The following MXI1 variants were observed in gnomAD, a reference collection of about 807,000 sequenced individuals.
MXI1 encodes the protein max-interacting protein 1.
MXI1 carries 18 observed loss-of-function variants against 36.9 expected under a neutral mutation model. The ratio of observed to expected loss-of-function variants is 0.49; its 90% CI spans 0.34 to 0.72. The LOEUF is 0.72. Among genes scored for constraint, MXI1 ranks in the 30% least tolerant of loss-of-function variants. MXI1 has a pLI of 0.01. For synonymous variants in MXI1, 160 were observed against 146.7 expected, an observed-to-expected ratio of 1.09 and a Z score of -0.65; for missense variants, 304 against 379.1, an observed-to-expected ratio of 0.80 and a Z score of 1.64.
intron 3 of MXI1, among the ~76,000 whole-genome samples, chr10:110,273,792 C>T (rs1325911769): frequency 6.6e-6 from 1 of 152,120 alleles, no homozygotes; most frequent in Admixed American, 6.5e-5. Flanking sequence ...GTCTAGGTAT[C>T]CTATAGTGGA....
chr10:110,233,473 G>A (rs1244757267), intron 2 of MXI1, among the ~76,000 whole-genome samples: 1 of 151,946 alleles, frequency 6.6e-6, no homozygotes, highest in Non-Finnish European at 1.5e-5. Flanking sequence ...CAGAAGAATT[G>A]AATGAAGCCT....
chr10:110,237,339 C>G (rs1331861669), intron 2 of MXI1, among the ~76,000 whole-genome samples: 1 of 151,976 alleles, frequency 6.6e-6, no homozygotes, highest in Non-Finnish European at 1.5e-5. Flanking sequence ...TTCTTAGATG[C>G]CTTTTAGGTT....
Position 110,244,942 on chromosome 10 carries a change from A to C in MXI1, c.437+85A>C, listed in dbSNP as rs1855810225. 2.3e-6 allele frequency: 3 copies of C among 1,324,602 alleles called. No homozygotes were observed. The East Asian group carries it at 7.4e-5, about 33-fold the overall frequency. 82.1% of individuals were successfully genotyped at this position (1,324,602 alleles called of 1,614,324 possible). ...CTGTGAAAATAATGTAATAGTGCAT[A>C]TGTAGTTGTAATTTTATTTTTCAGA... On this transcript the variant is annotated intron_variant, in intron 3 of 5. Transcript: ENST00000332674.
At chr10:110,254,246 C>T (rs565590264) in intron 3 of MXI1, among the ~76,000 whole-genome samples, 21 of 152,102 alleles carry the variant, frequency 1.4e-4, no homozygotes, top group African/African-American at 3.6e-4. Flanking sequence ...TAATTTCATA[C>T]GTTACGATGA....
At chr10:110,252,004 A>G (rs1309784078) in intron 3 of MXI1, among the ~76,000 whole-genome samples, 1 of 152,124 alleles carries the variant, frequency 6.6e-6, no homozygotes. Flanking sequence ...GCAAAGAGAT[A>G]GGCATGTACA....
In MXI1 at chr10:110,286,978, G is replaced by A. The variant is rs1473100423; in HGVS notation, c.*1991G>A. The A allele has an allele frequency of 1.3e-5, 2 of 152,220 alleles. No individual in the cohort carries two copies. Among genetic ancestry groups the A allele is most frequent in the Non-Finnish European group, 2.9e-5 (2 of 68,048 alleles). 9.4% of individuals were successfully genotyped at this position (152,220 alleles called of 1,614,324 possible). On this transcript the variant is annotated 3_prime_UTR_variant, in exon 6 of 6. Transcript: ENST00000332674. Reference sequence around the variant, plus strand: ...GTTTCACTTATAATTACTAATGGCTGAGTCAAGATGTTGTCTCTGTGTTTG... The same window carrying A: ...GTTTCACTTATAATTACTAATGGCTAAGTCAAGATGTTGTCTCTGTGTTTG...
chr10:110,282,240 A>G (rs779488399), intron 5 of MXI1, among the ~76,000 whole-genome samples: 1 of 152,214 alleles, frequency 6.6e-6, no homozygotes, highest in African/African-American at 2.4e-5. Flanking sequence ...CATTGCAGTC[A>G]TCCTTTTAAA....
At chr10:110,254,007 A>G (rs1253250963) in intron 3 of MXI1, among the ~76,000 whole-genome samples, 1 of 150,122 alleles carries the variant, frequency 6.7e-6, no homozygotes, top group Non-Finnish European at 1.5e-5. Context: ...GTTAGATAAG[A>G]AAAAAAAAAT....
intron 3 of MXI1, among the ~76,000 whole-genome samples, chr10:110,262,896 A>G (rs1590388034): frequency 6.6e-6 from 1 of 152,116 alleles, no homozygotes; most frequent in East Asian, 1.9e-4. Context: ...GATTATCCAA[A>G]CTGATCTCTC....
intron 2 of MXI1, among the ~76,000 whole-genome samples, chr10:110,239,642 C>G (rs1207573679): frequency 6.6e-6 from 1 of 151,918 alleles, no homozygotes; most frequent in Non-Finnish European, 1.5e-5. Flanking sequence ...AAAAATCATC[C>G]TTTACAAAGC....
At position 110,279,416 on chromosome 10, in the gene MXI1, G is replaced by T. The variant is rs1412539624; in HGVS notation, c.552+122G>T. On this transcript the variant is annotated intron_variant, in intron 4 of 5. Coordinates refer to ENST00000332674, the MANE Select transcript of MXI1 (RefSeq NM_130439.3). ...CCCTCCTTAATAACTGACCTCAAGA[G>T]AAGTCTTTCTAAAAACTTACCAGCT... is the stretch of plus-strand genomic sequence containing the variant. The T allele has an allele frequency of 3.8e-6, 3 of 783,794 alleles. No individual in the cohort carries two copies. The Admixed American group carries it at 7.8e-5, about 20-fold the overall frequency. The allele number at this position is 783,794 out of a possible 1,614,324, so 48.6% of individuals were successfully genotyped here.
At chr10:110,273,645 C>T (rs1040410280) in intron 3 of MXI1, among the ~76,000 whole-genome samples, 1 of 152,184 alleles carries the variant, frequency 6.6e-6, no homozygotes, top group Non-Finnish European at 1.5e-5. Context: ...AACCTGGCCA[C>T]AAGCCACTGC....
chr10:110,214,978 T>C (rs1309488874), intron 1 of MXI1, among the ~76,000 whole-genome samples: 1 of 151,110 alleles, frequency 6.6e-6, no homozygotes, highest in Non-Finnish European at 1.5e-5. Flanking sequence ...TATAGTAATA[T>C]GGCCTCCTGA....
At chr10:110,257,649 AT>A (rs1172839598) in intron 3 of MXI1, 3 of 161,750 alleles carry the variant, frequency 1.9e-5, no homozygotes, top group African/African-American at 2.4e-5. Context: ...TATTGAGCAT[AT>A]TTTTTAAGCA....
rs571293345 is a variant in MXI1 at position 110,247,744 on chromosome 10, G to T, written c.437+2887G>T. On this transcript the variant is annotated intron_variant, in intron 3 of 5. Transcript: ENST00000332674. ...AAATAGGAACCCTTTTACACTGTTG[G>T]TGGGACTGTAAATTAGTTCATCCAT... Among the ~76,000 whole-genome samples, 4 of 152,294 alleles carry T rather than the reference G, an allele frequency of 2.6e-5. No individual in the cohort carries two copies. The South Asian group carries it at 8.3e-4, about 32-fold the overall frequency.
intron 2 of MXI1, among the ~76,000 whole-genome samples, chr10:110,235,690 A>T (rs1001578499): frequency 3.0e-4 from 45 of 149,078 alleles, no homozygotes; most frequent in African/African-American, 9.1e-4. Flanking sequence ...TCTGTCTCAA[A>T]AAATAAATAA....
In MXI1 at chr10:110,284,946, G is replaced by A; in HGVS notation, c.847G>A (p.Gly283Ser). 1.9e-6 allele frequency: 3 copies of A among 1,613,434 alleles called. No individual in the cohort carries two copies. The highest frequency in any genetic ancestry group is 2.5e-6 in the Non-Finnish European group (3 of 1,179,774). Residue 283 changes from glycine (G) to serine (S), a missense_variant, in exon 6 of 6, where the codon GGT becomes AGT. Around this residue, in one of 2 missense-constraint regions of MXI1, gnomAD observed 125 missense variants for 194.3 expected, o/e 0.64. Coordinates refer to ENST00000332674, the MANE Select transcript of MXI1 (RefSeq NM_130439.3). ...SSLPSIGSDE[G>S]YSSASVKLSF... ...CCTGCCGAGTATTGGGAGTGACGAGGGTTACTCCAGTGCCAGTGTCAAACT... is the reference window on the plus strand; with the variant it reads ...CCTGCCGAGTATTGGGAGTGACGAGAGTTACTCCAGTGCCAGTGTCAAACT...
chr10:110,228,438 T>A, intron 2 of MXI1, 117 bp downstream of exon 2: 1 of 1,258,096 alleles, frequency 7.9e-7, no homozygotes, highest in Non-Finnish European at 1.1e-6. Context: ...CCCTGGGGAT[T>A]TGGCCCTTTT....
At chr10:110,227,927 A>AAAAG in intron 1 of MXI1, 1 of 446,818 alleles carries the variant, frequency 2.2e-6, no homozygotes, top group Non-Finnish European at 4.1e-6. Context: ...TGAAATCTCA[A>AAAAG]GTTCTTGGGA....
Sources: allele counts gnomAD v4.1 joint callset (sites outside exome capture counted in the v4.1 genomes callset), GRCh38; gene constraint gnomAD v4.1.1; regional missense constraint gnomAD v4.1.1; transcripts MANE v1.5; gene names NCBI Gene and HGNC (gene_info 2026-07-23, HGNC 2026-07-21).